Variants in PTBP3 observed in about 807,000 individuals in gnomAD.
PTBP3 encodes the protein polypyrimidine tract-binding protein 3.
A neutral mutation model predicts 58.7 loss-of-function variants in PTBP3; 20 were observed. That is an observed-to-expected ratio of 0.34 (90% CI 0.24 to 0.50). The LOEUF is 0.50. PTBP3 is among the 20% of genes least tolerant of loss of function. The pLI is 0.98. For missense variants in PTBP3, 509 were observed against 637.2 expected, an observed-to-expected ratio of 0.80 and a Z score of 2.17; for synonymous variants, 185 against 219.8, an observed-to-expected ratio of 0.84 and a Z score of 1.40.
chr9:112,285,013 TG>T (rs1390293804), intron 2 of PTBP3, among the ~76,000 whole-genome samples: 1 of 144,104 alleles, frequency 6.9e-6, no homozygotes, highest in East Asian at 2.0e-4. Flanking sequence ...TGATTGGTTT[TG>T]AAATGGAAAA....
At chr9:112,342,892 T>C in the PTBP3 span, among the ~76,000 whole-genome samples, 4 of 152,054 alleles carry the variant, frequency 2.6e-5, no homozygotes, top group African/African-American at 4.8e-5. Flanking sequence ...GCAGTCTCAC[T>C]ATGTTGCCCA....
intron 3 of PTBP3, 98 bp from the exon 4 acceptor site, chr9:112,268,293 TCAAGTAAAATGACATTTCCCC>T: frequency 8.6e-7 from 1 of 1,167,444 alleles, no homozygotes; most frequent in South Asian, 2.5e-5. Context: ...CCATGCACTC[TCAAGTAAAATGACATTTCCCC>T]CAAGGGGAGG....
Position 112,262,485 on chromosome 9 carries a change from T to A in PTBP3, c.466A>T (p.Ile156Leu). 1 of 1,610,462 alleles carries A rather than the reference T, an allele frequency of 6.2e-7. No individual in the cohort carries two copies. The highest frequency in any genetic ancestry group is 2.2e-5 in the East Asian group (1 of 44,586). ...GGGTAAAAGAGGTTTTCAATAATTA[T>A]TCGAAGCACAGGGCTCTGCCCAGGT... ...VLPGQSPVLR[I>L]IIENLFYPVT... Residue 156 changes from isoleucine to leucine, a missense_variant, in exon 5 of 14, where the codon ATA becomes TTA. This residue lies in a region of PTBP3 where 212 missense variants were observed against 215.3 expected (regional missense o/e 0.98). Coordinates refer to ENST00000374257, the MANE Select transcript of PTBP3 (RefSeq NM_001163788.4).
intron 1 of PTBP3, among the ~76,000 whole-genome samples, chr9:112,306,892 T>G (rs1414165753): frequency 1.3e-5 from 2 of 152,052 alleles, no homozygotes; most frequent in Non-Finnish European, 2.9e-5. Context: ...CTGGCCAAAT[T>G]TGTAGTTAAA....
At chr9:112,378,729 G>C in the PTBP3 span, among the ~76,000 whole-genome samples, 1 of 152,148 alleles carries the variant, frequency 6.6e-6, no homozygotes, top group African/African-American at 2.4e-5. Flanking sequence ...TGTCCTTTTT[G>C]AGCTGCTGTA....
intron 2 of PTBP3, among the ~76,000 whole-genome samples, chr9:112,286,634 A>G (rs1395243859): frequency 6.6e-6 from 1 of 152,170 alleles, no homozygotes; most frequent in Non-Finnish European, 1.5e-5. Context: ...CATATGTCAT[A>G]ACCGCCAAAA....
the PTBP3 span, among the ~76,000 whole-genome samples, chr9:112,346,378 G>A: frequency 6.6e-6 from 1 of 152,034 alleles, no homozygotes; most frequent in South Asian, 2.1e-4. Flanking sequence ...TGTTGGCCAG[G>A]TGAGTCTCGA....
At chr9:112,354,571 G>A in the PTBP3 span, among the ~76,000 whole-genome samples, 1 of 152,192 alleles carries the variant, frequency 6.6e-6, no homozygotes, top group Non-Finnish European at 1.5e-5. Flanking sequence ...CCTCTGTTCT[G>A]GAGCAGTGGG....
At chr9:112,339,462 C>T in the PTBP3 span, among the ~76,000 whole-genome samples, 1 of 152,008 alleles carries the variant, frequency 6.6e-6, no homozygotes. Flanking sequence ...ATTTCTTAAC[C>T]TAGAAGTCTC....
At chr9:112,246,950 T>C (rs937632385) in intron 7 of PTBP3, among the ~76,000 whole-genome samples, 1 of 152,146 alleles carries the variant, frequency 6.6e-6, no homozygotes, top group African/African-American at 2.4e-5. Flanking sequence ...ATGTATACAA[T>C]GATGAGGAAA....
chr9:112,227,317 A>G (rs1835027536), intron 12 of PTBP3, 94 bp downstream of exon 12: 1 of 1,320,652 alleles, frequency 7.6e-7, no homozygotes, highest in South Asian at 1.2e-5. Flanking sequence ...GACAACTGCT[A>G]GGTTAGAACA....
At position 112,219,628 on chromosome 9, in the gene PTBP3, A is replaced by C. The variant is rs897558197; in HGVS notation, c.*4223T>G. ...TGATAAAGGCAAAAGTGTAACTGAG[A>C]CTTTATTTATAGTTACAATTCTTTG... On this transcript the variant is annotated 3_prime_UTR_variant, in exon 14 of 14. Transcript: ENST00000374257. 1 of 152,648 alleles carries C rather than the reference A, an allele frequency of 6.6e-6. No individual in the cohort carries two copies. 9.5% of individuals were successfully genotyped at this position (152,648 alleles called of 1,614,324 possible).
intron 2 of PTBP3, among the ~76,000 whole-genome samples, chr9:112,287,344 T>TTG (rs1828176191): frequency 7.0e-6 from 1 of 142,762 alleles, no homozygotes; most frequent in African/African-American, 2.6e-5. Flanking sequence ...GTTTTTTGTT[T>TTG]TTTTTTTTTT....
At chr9:112,293,347 A>G (rs1157192388) in intron 2 of PTBP3, among the ~76,000 whole-genome samples, 2 of 152,232 alleles carry the variant, frequency 1.3e-5, no homozygotes. Flanking sequence ...TAACAGTAAT[A>G]CTAACCAATT....
chr9:112,302,059 G>C (rs2132333996), intron 1 of PTBP3, among the ~76,000 whole-genome samples: 1 of 152,176 alleles, frequency 6.6e-6, no homozygotes, highest in South Asian at 2.1e-4. Flanking sequence ...CTGTGCTTCT[G>C]TACAACAGTG....
chr9:112,354,687 G>A, the PTBP3 span, among the ~76,000 whole-genome samples: 1 of 152,174 alleles, frequency 6.6e-6, no homozygotes, highest in Non-Finnish European at 1.5e-5. Flanking sequence ...TATTTCCAAA[G>A]CTTGATCTTG....
chr9:112,219,660 T>G lies in PTBP3; in HGVS notation c.*4191A>C, dbSNP rs1834736578. On this transcript the variant is annotated 3_prime_UTR_variant, in exon 14 of 14. Transcript: ENST00000374257. ...TTATAGTTACAATTCTTTGCTTGGA[T>G]GAATAGTTGGTGGGACAACATTCTT... 1 of 152,702 alleles carries G rather than the reference T, an allele frequency of 6.5e-6. No individual in the cohort carries two copies. The highest frequency in any genetic ancestry group is 6.5e-5 in the Admixed American group (1 of 15,284). 9.5% of individuals were successfully genotyped at this position (152,702 alleles called of 1,614,324 possible). A position where few individuals can be genotyped will look rare whatever the true frequency, so the allele number is the denominator to read the frequency against.
intron 5 of PTBP3, among the ~76,000 whole-genome samples, chr9:112,261,094 C>T (rs549158163): frequency 6.6e-6 from 1 of 152,208 alleles, no homozygotes; most frequent in Non-Finnish European, 1.5e-5. Context: ...CTAAAGATCA[C>T]ATTAGTCTTC....
At chr9:112,314,323 A>G (rs575752756) in intron 1 of PTBP3, among the ~76,000 whole-genome samples, 35 of 152,382 alleles carry the variant, frequency 2.3e-4, no homozygotes, top group Admixed American at 5.2e-4. Context: ...ACAAGGAGAC[A>G]AAAGGTCAAC....
Sources: gnomAD v4.1 joint callset for allele counts (sites outside exome capture counted in the v4.1 genomes callset) on GRCh38, gnomAD v4.1.1 for gene constraint, gnomAD v4.1.1 regional missense constraint, MANE v1.5 for transcripts, NCBI Gene and HGNC (gene_info 2026-07-23, HGNC 2026-07-21) for gene names.